IL23R: variants seen among roughly 807,000 people sequenced by gnomAD.
The protein encoded by IL23R is interleukin-23 receptor.
In IL23R, 34 loss-of-function variants were observed where a neutral mutation model predicts 56.9. The ratio of observed to expected loss-of-function variants is 0.60; its 90% CI spans 0.45 to 0.80. The LOEUF (loss-of-function observed/expected upper bound fraction) is 0.80. IL23R is among the 30% of genes least tolerant of loss of function. The probability of loss-of-function intolerance (pLI) is 0.00; values close to 1 mark genes in which losing one functional copy is unlikely to be tolerated. For synonymous variants in IL23R, 230 were observed against 249.2 expected, an observed-to-expected ratio of 0.92 and a Z score of 0.73; for missense variants, 635 against 730.0, an observed-to-expected ratio of 0.87 and a Z score of 1.50.
chr1:67,218,986 T>C (rs1315164499), intron 6 of IL23R, among the ~76,000 whole-genome samples: 2 of 150,964 alleles, frequency 1.3e-5, no homozygotes, highest in Non-Finnish European at 2.9e-5. Context: ...AATAAATAAA[T>C]ATATATACAC....
At chr1:67,153,556 T>A (rs1339617139) in intron 1 of IL23R, among the ~76,000 whole-genome samples, 1 of 152,182 alleles carries the variant, frequency 6.6e-6, no homozygotes, top group Non-Finnish European at 1.5e-5. Context: ...TGATTTGAGA[T>A]CTTTCCAGCT....
intron 1 of IL23R, among the ~76,000 whole-genome samples, chr1:67,154,908 T>G (rs1259484204): frequency 6.6e-6 from 1 of 152,218 alleles, no homozygotes; most frequent in Non-Finnish European, 1.5e-5. Context: ...TTTTGGCATG[T>G]TTTTGTAGTG....
chr1:67,228,497 C>A (rs1020203359), intron 7 of IL23R, among the ~76,000 whole-genome samples: 2 of 151,594 alleles, frequency 1.3e-5, no homozygotes, highest in African/African-American at 4.8e-5. Context: ...CATGCCTGGC[C>A]TATGATTATG....
At chr1:67,216,978 A>G (rs1241891218) in intron 6 of IL23R, among the ~76,000 whole-genome samples, 1 of 152,192 alleles carries the variant, frequency 6.6e-6, no homozygotes, top group East Asian at 1.9e-4. Context: ...GGGTAAAGGG[A>G]GAAACCAAGG....
chr1:67,144,441 T>G (rs1031892834), intron 1 of IL23R, among the ~76,000 whole-genome samples: 2 of 152,246 alleles, frequency 1.3e-5, no homozygotes, highest in Admixed American at 1.3e-4. Context: ...TTATTAATGC[T>G]GATAACTATA....
chr1:67,194,038 C>A (rs1370777833), intron 4 of IL23R, among the ~76,000 whole-genome samples: 2 of 152,160 alleles, frequency 1.3e-5, no homozygotes, highest in Non-Finnish European at 2.9e-5. Context: ...TATATTTATC[C>A]ATTTATTATA....
At chr1:67,205,887 C>CTT (rs893397897) in intron 5 of IL23R, among the ~76,000 whole-genome samples, 3 of 111,320 alleles carry the variant, frequency 2.7e-5, no homozygotes, top group African/African-American at 9.1e-5. Flanking sequence ...TTCTTTCTTT[C>CTT]TTTCTTTCTT....
intron 7 of IL23R, among the ~76,000 whole-genome samples, chr1:67,222,029 G>A (rs1392528854): frequency 7.0e-6 from 1 of 142,734 alleles, no homozygotes; most frequent in African/African-American, 2.6e-5. Flanking sequence ...AAAATAAATA[G>A]AAATTAAATT....
chr1:67,226,735 T>G (rs1039523132), intron 7 of IL23R, among the ~76,000 whole-genome samples: 3 of 152,160 alleles, frequency 2.0e-5, no homozygotes, highest in African/African-American at 4.8e-5. Context: ...CCACCCTCAT[T>G]TATTCAGTAT....
intron 7 of IL23R, among the ~76,000 whole-genome samples, chr1:67,232,323 T>TC (rs1432896210): frequency 6.6e-6 from 1 of 151,956 alleles, no homozygotes; most frequent in Non-Finnish European, 1.5e-5. Context: ...GCTTGTGGGG[T>TC]CCAGAGCCCC....
chr1:67,182,263 T>C (rs1446089163), intron 3 of IL23R, among the ~76,000 whole-genome samples: 1 of 152,214 alleles, frequency 6.6e-6, no homozygotes, highest in Non-Finnish European at 1.5e-5. Context: ...TCAGGCCTCC[T>C]TGAGCTGCAG....
upstream of IL23R, among the ~76,000 whole-genome samples, chr1:67,163,050 G>A (rs966783682): frequency 1.3e-4 from 20 of 152,118 alleles, no homozygotes; most frequent in African/African-American, 4.6e-4. Context: ...GGCTTTTAAT[G>A]CACACCTCAC....
At chr1:67,177,156 T>C (rs1050143697) in intron 3 of IL23R, among the ~76,000 whole-genome samples, 5 of 152,222 alleles carry the variant, frequency 3.3e-5, no homozygotes, top group African/African-American at 7.2e-5. Flanking sequence ...CTCAGTCAAA[T>C]GGTATTTCTA....
chr1:67,156,046 T>G (rs1646767625), intron 1 of IL23R, among the ~76,000 whole-genome samples: 1 of 152,176 alleles, frequency 6.6e-6, no homozygotes, highest in Non-Finnish European at 1.5e-5. Flanking sequence ...AACAGTCAGG[T>G]CCCTCTTCTG....
intron 7 of IL23R, among the ~76,000 whole-genome samples, chr1:67,225,320 G>A (rs1027431756): frequency 6.6e-6 from 1 of 152,188 alleles, no homozygotes; most frequent in African/African-American, 2.4e-5. Context: ...TAGTACTATA[G>A]GAGGTTTCTG....
At chr1:67,248,023 C>G (rs1295262097) in intron 9 of IL23R, among the ~76,000 whole-genome samples, 2 of 152,126 alleles carry the variant, frequency 1.3e-5, no homozygotes. Context: ...GTAACCAGAC[C>G]TTTTTCTCTG....
chr1:67,145,048 G>A (rs954469844), intron 1 of IL23R, among the ~76,000 whole-genome samples: 1 of 152,124 alleles, frequency 6.6e-6, no homozygotes, highest in African/African-American at 2.4e-5. Context: ...ATACTGAATT[G>A]TTTAAATATG....
At chr1:67,243,580 T>C (rs1030832821) in intron 9 of IL23R, among the ~76,000 whole-genome samples, 8 of 152,132 alleles carry the variant, frequency 5.3e-5, no homozygotes, top group Admixed American at 1.3e-4. Flanking sequence ...TGTTCTTGTG[T>C]TAGTTTGCTG....
At chr1:67,243,285 T>C (rs1418438509) in intron 9 of IL23R, among the ~76,000 whole-genome samples, 9 of 150,824 alleles carry the variant, frequency 6.0e-5, no homozygotes, top group African/African-American at 2.2e-4. Flanking sequence ...ACAATTTTAG[T>C]ATTGGCTGAT....
Sources: allele counts gnomAD v4.1 joint callset (sites outside exome capture counted in the v4.1 genomes callset), GRCh38; gene constraint gnomAD v4.1.1; transcripts MANE v1.5; gene names NCBI Gene and HGNC (gene_info 2026-07-23, HGNC 2026-07-21).